Variants in LRP1B observed in about 807,000 individuals in gnomAD.
The protein encoded by LRP1B is low-density lipoprotein receptor-related protein 1B.
In LRP1B, 217 loss-of-function variants were observed where a neutral mutation model predicts 556.6. The observed-to-expected ratio is 0.39, with a 90% CI of 0.35 to 0.44. LRP1B has a LOEUF of 0.44. LRP1B is among the 20% of genes least tolerant of loss of function. The probability of loss-of-function intolerance (pLI) is 1.00; values close to 1 mark genes in which losing one functional copy is unlikely to be tolerated. For missense variants in LRP1B, 5,053 were observed against 5,620.8 expected (o/e 0.90, Z 3.23); for synonymous variants, 2,047 against 1,865.8 (o/e 1.10, Z -2.50).
intron 83 of LRP1B, among the ~76,000 whole-genome samples, chr2:140,303,948 T>C (rs975039304): frequency 6.6e-6 from 1 of 152,164 alleles, no homozygotes; most frequent in African/African-American, 2.4e-5. Context: ...CTGAGAATGA[T>C]GGTTTCCAGC....
In LRP1B at chr2:141,517,019, A is replaced by AC. The variant is rs1207066800; in HGVS notation, c.206-36487_206-36486insG. ...GCCCGTCTCTTAAAAAAAAAAAAAA[A>AC]AAAAAAAAAAAAAGTAAATCAATGA... is the stretch of plus-strand genomic sequence containing the variant. On this transcript the variant is annotated intron_variant, in intron 2 of 90. Transcript: ENST00000389484. 6.0e-5 allele frequency among the ~76,000 whole-genome samples: 8 copies of AC among 132,412 alleles called. 2 individuals carry two copies. The East Asian group carries it at 6.2e-4, about 10-fold the overall frequency. The allele number at this position is 132,412 out of a possible 152,430, so 86.9% of individuals were successfully genotyped here.
intron 59 of LRP1B, among the ~76,000 whole-genome samples, chr2:140,483,416 C>G (rs990358020): frequency 1.3e-5 from 2 of 151,454 alleles, no homozygotes; most frequent in Admixed American, 6.6e-5. Flanking sequence ...ACAGGTTTTG[C>G]TTCATAAATA....
intron 84 of LRP1B, among the ~76,000 whole-genome samples, chr2:140,278,775 C>G (rs1396697836): frequency 6.6e-6 from 1 of 151,910 alleles, no homozygotes; most frequent in African/African-American, 2.4e-5. Flanking sequence ...TGCTCTGAAC[C>G]CTTTCTCTAC....
intron 3 of LRP1B, among the ~76,000 whole-genome samples, chr2:141,464,584 GTATATATA>G (rs1236041290): frequency 2.3e-5 from 2 of 88,434 alleles, no homozygotes; most frequent in East Asian, 4.0e-4. Flanking sequence ...GGCTAATTTT[GTATATATA>G]TATATATATA....
intron 41 of LRP1B, among the ~76,000 whole-genome samples, chr2:140,649,912 TG>T (rs1684615613): frequency 6.6e-6 from 1 of 152,224 alleles, no homozygotes; most frequent in Non-Finnish European, 1.5e-5. Flanking sequence ...ACTATATTTT[TG>T]TGGTAAAAAT....
chr2:141,507,949 G>A (rs1683989985), intron 2 of LRP1B, among the ~76,000 whole-genome samples: 3 of 151,818 alleles, frequency 2.0e-5, no homozygotes, highest in Admixed American at 2.0e-4. Flanking sequence ...TTAGCTGGGT[G>A]TGGTGGCATG....
At chr2:140,667,245 C>T (rs1409570486) in intron 41 of LRP1B, among the ~76,000 whole-genome samples, 3 of 152,128 alleles carry the variant, frequency 2.0e-5, no homozygotes, top group Admixed American at 1.3e-4. Context: ...CGCAGAGAAT[C>T]CACTTAGTTA....
chr2:141,449,046 C>T (rs1681307326), intron 3 of LRP1B, among the ~76,000 whole-genome samples: 1 of 152,218 alleles, frequency 6.6e-6, no homozygotes. Flanking sequence ...TCATAGGTAA[C>T]ATTTACATGG....
intron 7 of LRP1B, among the ~76,000 whole-genome samples, chr2:141,120,952 T>TA (rs566882087): frequency 1.8e-3 from 279 of 151,894 alleles, no homozygotes; most frequent in African/African-American, 6.0e-3. Context: ...CTGACAATGA[T>TA]AAAAAAAATA....
intron 7 of LRP1B, among the ~76,000 whole-genome samples, chr2:141,153,747 A>G (rs1558896960): frequency 6.6e-6 from 1 of 150,560 alleles, no homozygotes; most frequent in South Asian, 2.1e-4. Flanking sequence ...AATATCTTCA[A>G]GATGCTGTTT....
intron 1 of LRP1B, among the ~76,000 whole-genome samples, chr2:141,964,125 C>T (rs1450203807): frequency 6.7e-6 from 1 of 149,320 alleles, no homozygotes; most frequent in Non-Finnish European, 1.5e-5. Flanking sequence ...ACATTCCATG[C>T]TCATGGGTAG....
At chr2:141,784,369 T>C (rs1165764877) in intron 2 of LRP1B, among the ~76,000 whole-genome samples, 1 of 152,010 alleles carries the variant, frequency 6.6e-6, no homozygotes, top group Admixed American at 6.6e-5. Context: ...AAAAATCACA[T>C]TTCTGTACAC....
At chr2:141,892,758 G>A (rs1256230598) in intron 1 of LRP1B, among the ~76,000 whole-genome samples, 2 of 151,998 alleles carry the variant, frequency 1.3e-5, no homozygotes, top group Non-Finnish European at 2.9e-5. Context: ...TCTTTCTCTT[G>A]ACTCATCGTT....
intron 2 of LRP1B, among the ~76,000 whole-genome samples, chr2:141,559,053 A>C (rs907181104): frequency 6.6e-6 from 1 of 151,646 alleles, no homozygotes; most frequent in African/African-American, 2.4e-5. Flanking sequence ...CGATTGCTAA[A>C]ATTTTAATGT....
At chr2:140,523,368 A>G (rs1690266597) in intron 49 of LRP1B, among the ~76,000 whole-genome samples, 1 of 151,826 alleles carries the variant, frequency 6.6e-6, no homozygotes. Flanking sequence ...AATCCTCGAC[A>G]AACTAGTCAT....
At chr2:141,482,914 G>A (rs899853201) in intron 2 of LRP1B, among the ~76,000 whole-genome samples, 2 of 151,678 alleles carry the variant, frequency 1.3e-5, no homozygotes, top group Admixed American at 6.6e-5. Flanking sequence ...AAATGACTCA[G>A]CAGTTCTCAC....
At chr2:141,712,201 A>C (rs1198577522) in intron 2 of LRP1B, among the ~76,000 whole-genome samples, 5 of 151,086 alleles carry the variant, frequency 3.3e-5, no homozygotes, top group African/African-American at 9.7e-5. Flanking sequence ...ATGTAATGCC[A>C]ATTGGAACTC....
At chr2:140,303,235 TTTTA>T (rs987798784) in intron 83 of LRP1B, among the ~76,000 whole-genome samples, 3 of 151,786 alleles carry the variant, frequency 2.0e-5, no homozygotes, top group African/African-American at 4.8e-5. Context: ...ATAAACTCTT[TTTTA>T]TTTGTTTGTT....
chr2:140,830,869 C>T (rs533637056), intron 31 of LRP1B, among the ~76,000 whole-genome samples: 26 of 152,094 alleles, frequency 1.7e-4, no homozygotes, highest in African/African-American at 6.3e-4. Context: ...ATAATGTTGC[C>T]GGATTTATCA....
Sources: gnomAD v4.1 joint callset for allele counts (sites outside exome capture counted in the v4.1 genomes callset) on GRCh38, gnomAD v4.1.1 for gene constraint, MANE v1.5 for transcripts, NCBI Gene and HGNC (gene_info 2026-07-23, HGNC 2026-07-21) for gene names.